Variants in FSTL5 observed in about 807,000 individuals in gnomAD.
FSTL5 encodes the protein follistatin-related protein 5.
FSTL5 carries 62 observed loss-of-function variants against 89.1 expected under a neutral mutation model. The ratio of observed to expected loss-of-function variants is 0.70; its 90% CI spans 0.57 to 0.86. The LOEUF (loss-of-function observed/expected upper bound fraction) is 0.86. FSTL5 is among the 40% of genes least tolerant of loss of function. The pLI is 0.00. For missense variants in FSTL5, 1,057 were observed against 1,001.6 expected, an observed-to-expected ratio of 1.06 and a Z score of -0.75; for synonymous variants, 383 against 346.2, an observed-to-expected ratio of 1.11 and a Z score of -1.18.
At chr4:161,535,520 CA>C (rs1249949876) in intron 10 of FSTL5, among the ~76,000 whole-genome samples, 1 of 151,984 alleles carries the variant, frequency 6.6e-6, no homozygotes, top group Non-Finnish European at 1.5e-5. Context: ...AAATGCAAAT[CA>C]AAACTGCTAT....
chr4:161,944,684 T>G (rs910895676), intron 3 of FSTL5, among the ~76,000 whole-genome samples: 27 of 151,926 alleles, frequency 1.8e-4, no homozygotes, highest in Middle Eastern at 7.1e-3. Context: ...GTAACATGTA[T>G]CATACATACA....
intron 7 of FSTL5, among the ~76,000 whole-genome samples, chr4:161,601,742 G>A (rs1259689575): frequency 6.6e-6 from 1 of 151,956 alleles, no homozygotes; most frequent in Non-Finnish European, 1.5e-5. Flanking sequence ...CCCACCACAA[G>A]CACAAAGTAA....
intron 3 of FSTL5, among the ~76,000 whole-genome samples, chr4:162,012,533 C>T (rs1042141872): frequency 6.6e-5 from 10 of 152,144 alleles, no homozygotes; most frequent in South Asian, 2.1e-4. Flanking sequence ...AGTATTTCTT[C>T]AATTAATAAA....
chr4:161,585,075 A>G (rs926246146), intron 8 of FSTL5, among the ~76,000 whole-genome samples: 2 of 152,178 alleles, frequency 1.3e-5, no homozygotes, highest in Non-Finnish European at 2.9e-5. Context: ...CCATCTTCAG[A>G]AAAACCCGAG....
intron 4 of FSTL5, among the ~76,000 whole-genome samples, chr4:161,871,819 G>T (rs1732271408): frequency 6.6e-6 from 1 of 151,926 alleles, no homozygotes. Flanking sequence ...CTTTGGGCAG[G>T]GAATAAATTT....
rs74715880 is a variant in FSTL5, at chr4:162,132,746, T to C, written c.-16-21334A>G. ...ATTGCAGATAATTTGAATTTATCTTTGAATTTTTACCATCTGCTCTCCAGG... is the reference window on the plus strand; with the variant it reads ...ATTGCAGATAATTTGAATTTATCTTCGAATTTTTACCATCTGCTCTCCAGG... On this transcript the variant is annotated intron_variant, in intron 1 of 15. Coordinates refer to ENST00000306100, the MANE Select transcript of FSTL5 (RefSeq NM_020116.5). Among the ~76,000 whole-genome samples, 821 of 152,314 alleles carry C rather than the reference T, an allele frequency of 5.4e-3. 8 individuals are homozygous for C. The highest frequency in any genetic ancestry group is 0.019 in the African/African-American group (786 of 41,558).
intron 3 of FSTL5, among the ~76,000 whole-genome samples, chr4:161,954,084 C>T (rs1460131291): frequency 6.6e-6 from 1 of 151,484 alleles, no homozygotes; most frequent in Non-Finnish European, 1.5e-5. Flanking sequence ...CAATATACTA[C>T]AAAATCCAGC....
rs1191512785 is a variant in FSTL5 at position 161,637,729 on chromosome 4, C to T, written c.894+18599G>A. Among the ~76,000 whole-genome samples the T allele has an allele frequency of 3.4e-5, 4 of 116,810 alleles. 1 individual carries two copies. The highest frequency in any genetic ancestry group is 1.6e-4 in the African/African-American group (4 of 24,426). 76.6% of individuals were successfully genotyped at this position (116,810 alleles called of 152,430 possible). A position where few individuals can be genotyped will look rare whatever the true frequency, so the allele number is the denominator to read the frequency against. On this transcript the variant is annotated intron_variant, in intron 7 of 15. Coordinates refer to ENST00000306100, the MANE Select transcript of FSTL5 (RefSeq NM_020116.5). ...CATTTATTAAATAGGGAATCCTTTC[C>T]CCATTGCTTGTTTTTCTCAGGTTTG...
At chr4:161,794,662 ATCTC>A (rs903288555) in intron 4 of FSTL5, among the ~76,000 whole-genome samples, 3 of 151,994 alleles carry the variant, frequency 2.0e-5, no homozygotes, top group African/African-American at 7.3e-5. Context: ...ATCACATTTT[ATCTC>A]TCTCTCTGTC....
intron 1 of FSTL5, among the ~76,000 whole-genome samples, chr4:162,130,384 TTG>T (rs151199054): frequency 0.097 from 14,708 of 152,144 alleles, 1,012 homozygotes; most frequent in African/African-American, 0.19. Context: ...AACAAGAATG[TTG>T]TGTTTCCTAC....
chr4:161,663,993 C>A (rs6829876), intron 6 of FSTL5, among the ~76,000 whole-genome samples: 185 of 152,308 alleles, frequency 1.2e-3, no homozygotes, highest in African/African-American at 4.0e-3. Flanking sequence ...GTACATTGGC[C>A]CCTTTCAGCC....
intron 6 of FSTL5, among the ~76,000 whole-genome samples, chr4:161,682,185 C>A (rs2126709616): frequency 6.6e-6 from 1 of 152,184 alleles, no homozygotes; most frequent in African/African-American, 2.4e-5. Flanking sequence ...GGAGCTTGCC[C>A]AACAGAAAGT....
At chr4:161,924,361 A>G (rs188455067) in intron 3 of FSTL5, among the ~76,000 whole-genome samples, 121 of 150,860 alleles carry the variant, frequency 8.0e-4, no homozygotes, top group South Asian at 4.1e-4. Context: ...ATCTTAAAAT[A>G]TATATTTATA....
chr4:161,588,019 C>T (rs931425448), intron 7 of FSTL5, among the ~76,000 whole-genome samples: 17 of 151,844 alleles, frequency 1.1e-4, no homozygotes, highest in African/African-American at 3.4e-4. Flanking sequence ...ACTAAAAATA[C>T]GTAAATTAGC....
chr4:161,843,816 G>C (rs1007130108), intron 4 of FSTL5, among the ~76,000 whole-genome samples: 23 of 152,084 alleles, frequency 1.5e-4, no homozygotes, highest in African/African-American at 5.1e-4. Flanking sequence ...AGACTTAAAC[G>C]TAAGTCCTAA....
Position 161,566,177 on chromosome 4 carries a change from T to TA in FSTL5, c.1015+21277dup, listed in dbSNP as rs79911491. ...ACACCGTGGAATGCTCCTCAGCCAT[T>TA]AAAAAAAAACACACATAATAATGTC... On this transcript the variant is annotated intron_variant, in intron 8 of 15. Transcript: ENST00000306100. Among the ~76,000 whole-genome samples the TA allele has an allele frequency of 5.5e-3, 718 of 130,352 alleles. 12 individuals carry two copies. The South Asian group carries it at 0.064, about 12-fold the overall frequency. The allele number at this position is 130,352 out of a possible 152,430, so 85.5% of individuals were successfully genotyped here.
intron 3 of FSTL5, among the ~76,000 whole-genome samples, chr4:162,028,050 T>C (rs892550945): frequency 4.6e-5 from 7 of 152,146 alleles, no homozygotes; most frequent in African/African-American, 1.7e-4. Context: ...ATAAATAAAC[T>C]TGTCTGATGT....
At chr4:161,468,201 ATAC>A (rs1733811699) in intron 13 of FSTL5, among the ~76,000 whole-genome samples, 1 of 151,662 alleles carries the variant, frequency 6.6e-6, no homozygotes, top group Non-Finnish European at 1.5e-5. Context: ...CCCCCACTAC[ATAC>A]TACTGCCTCT....
chr4:161,816,496 T>A (rs1560862162), intron 4 of FSTL5, among the ~76,000 whole-genome samples: 1 of 152,176 alleles, frequency 6.6e-6, no homozygotes, highest in Admixed American at 6.5e-5. Context: ...ATATAGAGAC[T>A]TCTTTAAAAC....
Sources: gnomAD v4.1 joint callset for allele counts (sites outside exome capture counted in the v4.1 genomes callset) on GRCh38, gnomAD v4.1.1 for gene constraint, MANE v1.5 for transcripts, NCBI Gene and HGNC (gene_info 2026-07-23, HGNC 2026-07-21) for gene names.